AKAP6: variants seen among roughly 807,000 people sequenced by gnomAD.
The protein encoded by AKAP6 is A-kinase anchor protein 6.
In AKAP6, 58 loss-of-function variants were observed where a neutral mutation model predicts 188.5. The observed-to-expected ratio is 0.31, with a 90% CI of 0.25 to 0.38. The LOEUF (loss-of-function observed/expected upper bound fraction) is 0.38. AKAP6 is among the 10% of genes least tolerant of loss of function. The pLI, the probability that AKAP6 is intolerant of heterozygous loss-of-function variation, is 1.00. For missense variants in AKAP6, 2,710 were observed against 2,740.0 expected (o/e 0.99, Z 0.24); for synonymous variants, 989 against 998.6 (o/e 0.99, Z 0.18).
At chr14:32,414,258 C>G (rs1036485458) in intron 1 of AKAP6, among the ~76,000 whole-genome samples, 1 of 151,994 alleles carries the variant, frequency 6.6e-6, no homozygotes, top group African/African-American at 2.4e-5. Context: ...GAGCAGTGTT[C>G]CCCAAAGTGT....
chr14:32,665,116 G>C (rs1227294420), intron 7 of AKAP6, among the ~76,000 whole-genome samples: 2 of 151,972 alleles, frequency 1.3e-5, no homozygotes, highest in Non-Finnish European at 1.5e-5. Context: ...CATATTTGGG[G>C]GTGGGGAGAG....
intron 1 of AKAP6, among the ~76,000 whole-genome samples, chr14:32,420,240 T>C (rs1235261032): frequency 6.6e-6 from 1 of 152,166 alleles, no homozygotes; most frequent in African/African-American, 2.4e-5. Flanking sequence ...AACAATAGGA[T>C]GGTATGGCTA....
At chr14:32,448,776 A>G (rs1468932432) in intron 2 of AKAP6, among the ~76,000 whole-genome samples, 2 of 152,196 alleles carry the variant, frequency 1.3e-5, no homozygotes, top group South Asian at 2.1e-4. Flanking sequence ...ACTATATCAT[A>G]TTGCTTTTTC....
chr14:32,354,557 G>A (rs903640863), intron 1 of AKAP6, among the ~76,000 whole-genome samples: 1 of 152,194 alleles, frequency 6.6e-6, no homozygotes, highest in East Asian at 1.9e-4. Flanking sequence ...ATCTTCCAGG[G>A]CTTATCCAGA....
intron 2 of AKAP6, among the ~76,000 whole-genome samples, chr14:32,453,846 A>G (rs1891032108): frequency 6.6e-6 from 1 of 151,642 alleles, no homozygotes; most frequent in Non-Finnish European, 1.5e-5. Flanking sequence ...CGGCCTCCCA[A>G]AGTGCTGGGA....
chr14:32,686,956 G>C (rs926948143), intron 8 of AKAP6, among the ~76,000 whole-genome samples: 1 of 152,120 alleles, frequency 6.6e-6, no homozygotes, highest in African/African-American at 2.4e-5. Context: ...CACAGGAATA[G>C]TTCATCCCTC....
At chr14:32,554,626 A>C (rs1883616340) in intron 4 of AKAP6, among the ~76,000 whole-genome samples, 1 of 152,226 alleles carries the variant, frequency 6.6e-6, no homozygotes, top group South Asian at 2.1e-4. Context: ...TGAAGCCCAC[A>C]GACCACTACT....
At chr14:32,395,378 C>A (rs1274625059) in intron 1 of AKAP6, among the ~76,000 whole-genome samples, 2 of 152,098 alleles carry the variant, frequency 1.3e-5, no homozygotes, top group East Asian at 3.9e-4. Context: ...CCCTTGAGCC[C>A]CCACAAGAAA....
At chr14:32,710,431 A>G (rs1379250948) in intron 9 of AKAP6, among the ~76,000 whole-genome samples, 1 of 152,010 alleles carries the variant, frequency 6.6e-6, no homozygotes, top group African/African-American at 2.4e-5. Context: ...ATGAAAACTG[A>G]CATAAAGTTT....
chr14:32,611,227 T>C (rs1886338774), intron 7 of AKAP6, among the ~76,000 whole-genome samples: 1 of 152,092 alleles, frequency 6.6e-6, no homozygotes, highest in South Asian at 2.1e-4. Flanking sequence ...TTAACTGAGG[T>C]TGGACACATT....
chr14:32,610,197 G>A (rs1407664534), intron 7 of AKAP6, among the ~76,000 whole-genome samples: 3 of 152,118 alleles, frequency 2.0e-5, no homozygotes, highest in African/African-American at 7.2e-5. Flanking sequence ...TCCAAACGGA[G>A]TAGATAATCA....
chr14:32,512,029 T>C (rs905450416), intron 2 of AKAP6, among the ~76,000 whole-genome samples: 3 of 152,218 alleles, frequency 2.0e-5, no homozygotes, highest in Admixed American at 2.0e-4. Flanking sequence ...TTTAATTTTA[T>C]TACTTACTTT....
chr14:32,713,770 G>C (rs962137306), intron 9 of AKAP6, among the ~76,000 whole-genome samples: 1 of 152,018 alleles, frequency 6.6e-6, no homozygotes, highest in African/African-American at 2.4e-5. Flanking sequence ...TGTTGTGGCT[G>C]GTTTGATCTT....
intron 2 of AKAP6, among the ~76,000 whole-genome samples, chr14:32,509,030 G>A (rs2139010757): frequency 6.6e-6 from 1 of 151,344 alleles, no homozygotes; most frequent in South Asian, 2.1e-4. Flanking sequence ...CACCATGTTG[G>A]CCAGGATGGT....
At chr14:32,616,045 T>A (rs995193315) in intron 7 of AKAP6, among the ~76,000 whole-genome samples, 1 of 152,204 alleles carries the variant, frequency 6.6e-6, no homozygotes, top group Non-Finnish European at 1.5e-5. Flanking sequence ...CTATAAATCA[T>A]TGATTGGTGG....
chr14:32,466,644 A>G (rs1878452507), intron 2 of AKAP6, among the ~76,000 whole-genome samples: 1 of 150,838 alleles, frequency 6.6e-6, no homozygotes, highest in African/African-American at 2.4e-5. Context: ...TAAAACCTAG[A>G]TGACGGGTTG....
intron 2 of AKAP6, among the ~76,000 whole-genome samples, chr14:32,437,001 A>T (rs1890402138): frequency 6.6e-6 from 1 of 152,090 alleles, no homozygotes; most frequent in Non-Finnish European, 1.5e-5. Flanking sequence ...AATAAAACTA[A>T]AGCTTTTTCC....
At chr14:32,687,513 CA>C (rs1321580764) in intron 8 of AKAP6, among the ~76,000 whole-genome samples, 5 of 149,636 alleles carry the variant, frequency 3.3e-5, no homozygotes, top group Non-Finnish European at 7.4e-5. Flanking sequence ...TGAATTTCTA[CA>C]CGGTGGGTAT....
rs371488099 is a variant in AKAP6, at chr14:32,548,630, CACAG to C, written c.2346+1633_2346+1636del. 1.7e-3 allele frequency among the ~76,000 whole-genome samples: 261 copies of C among 152,064 alleles called. 2 individuals carry two copies. Among genetic ancestry groups the C allele is most frequent in the African/African-American group, 5.7e-3 (237 of 41,514 alleles). On this transcript the variant is annotated intron_variant, in intron 4 of 13. Transcript: ENST00000280979. The stretch of plus-strand genomic sequence containing the variant: ...AGCTAGATAGAGACAAACAGACAGA[CACAG>C]ATAGACAGACTGACAGACAGACAGG...
Sources: allele counts gnomAD v4.1 joint callset (sites outside exome capture counted in the v4.1 genomes callset), GRCh38; gene constraint gnomAD v4.1.1; transcripts MANE v1.5; gene names NCBI Gene and HGNC (gene_info 2026-07-23, HGNC 2026-07-21).